Variants in PTPRK observed in about 807,000 individuals in gnomAD.
The protein encoded by PTPRK is receptor-type tyrosine-protein phosphatase kappa.
A neutral mutation model predicts 178.0 loss-of-function variants in PTPRK; 75 were observed. The ratio of observed to expected loss-of-function variants is 0.42; its 90% CI spans 0.35 to 0.51. The LOEUF (loss-of-function observed/expected upper bound fraction) is 0.51. Among genes scored for constraint, PTPRK ranks in the 20% least tolerant of loss-of-function variants. The probability of loss-of-function intolerance (pLI) is 0.02; values close to 1 mark genes in which losing one functional copy is unlikely to be tolerated. For missense variants in PTPRK, 1,441 were observed against 1,797.8 expected, an observed-to-expected ratio of 0.80 and a Z score of 3.59; for synonymous variants, 637 against 620.6, an observed-to-expected ratio of 1.03 and a Z score of -0.39.
At chr6:128,295,975 C>T (rs1030491303) in intron 3 of PTPRK, among the ~76,000 whole-genome samples, 1 of 152,064 alleles carries the variant, frequency 6.6e-6, no homozygotes. Context: ...ACATAAAAAA[C>T]GATTAACATC....
intron 3 of PTPRK, among the ~76,000 whole-genome samples, chr6:128,264,061 C>T (rs534019622): frequency 6.6e-6 from 1 of 152,176 alleles, no homozygotes; most frequent in Admixed American, 6.6e-5. Context: ...AAAGCCATAC[C>T]CATCAGTGGA....
intron 2 of PTPRK, among the ~76,000 whole-genome samples, chr6:128,374,964 C>T (rs1487609762): frequency 6.6e-6 from 1 of 151,938 alleles, no homozygotes; most frequent in Non-Finnish European, 1.5e-5. Flanking sequence ...TTGCTGATCC[C>T]TATGCCTGGA....
At chr6:128,447,729 A>G (rs1019235683) in intron 1 of PTPRK, among the ~76,000 whole-genome samples, 1 of 151,698 alleles carries the variant, frequency 6.6e-6, no homozygotes, top group East Asian at 1.9e-4. Flanking sequence ...GGTTCAAGCA[A>G]TTCTCCTGCC....
intron 7 of PTPRK, among the ~76,000 whole-genome samples, chr6:128,119,824 T>C (rs1196570932): frequency 1.3e-5 from 2 of 152,062 alleles, no homozygotes. Flanking sequence ...CCGATGGACA[T>C]ATTTTAAAAA....
At chr6:128,027,237 T>C (rs544080713) in intron 13 of PTPRK, among the ~76,000 whole-genome samples, 1 of 152,338 alleles carries the variant, frequency 6.6e-6, no homozygotes, top group Admixed American at 6.5e-5. Context: ...CAGCAATTCC[T>C]TTAAAAGCAG....
chr6:128,413,593 C>T (rs1842536385), intron 1 of PTPRK, among the ~76,000 whole-genome samples: 2 of 152,102 alleles, frequency 1.3e-5, no homozygotes, highest in African/African-American at 4.8e-5. Flanking sequence ...TTTGAAATCA[C>T]TGGACTATTC....
At chr6:128,070,001 A>G (rs1416779212) in intron 11 of PTPRK, among the ~76,000 whole-genome samples, 1 of 152,130 alleles carries the variant, frequency 6.6e-6, no homozygotes, top group Non-Finnish European at 1.5e-5. Flanking sequence ...TTAAAATGAA[A>G]GATAAATTAT....
chr6:128,035,154 G>T (rs1306001901), intron 13 of PTPRK, among the ~76,000 whole-genome samples: 1 of 152,136 alleles, frequency 6.6e-6, no homozygotes, highest in Non-Finnish European at 1.5e-5. Flanking sequence ...ATCACTTGAG[G>T]TCAGGAGTTC....
At chr6:128,387,635 CTCTT>C (rs1838934566) in intron 2 of PTPRK, among the ~76,000 whole-genome samples, 1 of 152,122 alleles carries the variant, frequency 6.6e-6, no homozygotes, top group African/African-American at 2.4e-5. Flanking sequence ...TAACACTTGA[CTCTT>C]TCTTCGTTTT....
intron 5 of PTPRK, among the ~76,000 whole-genome samples, chr6:128,226,791 TA>T (rs1811402117): frequency 1.4e-5 from 2 of 140,434 alleles, no homozygotes; most frequent in Non-Finnish European, 3.0e-5. Flanking sequence ...TATATATATA[TA>T]TATATATTTC....
At chr6:128,197,842 G>T (rs896018077) in intron 6 of PTPRK, among the ~76,000 whole-genome samples, 1 of 152,064 alleles carries the variant, frequency 6.6e-6, no homozygotes, top group Non-Finnish European at 1.5e-5. Flanking sequence ...GATAGCACTC[G>T]CATTGAGAGG....
chr6:128,135,084 A>T (rs1049636045), intron 7 of PTPRK, among the ~76,000 whole-genome samples: 1 of 150,410 alleles, frequency 6.6e-6, no homozygotes, highest in Non-Finnish European at 1.5e-5. Flanking sequence ...TCAATCACAC[A>T]CACACACACA....
At chr6:128,022,429 G>A (rs1204351478) in intron 13 of PTPRK, among the ~76,000 whole-genome samples, 3 of 152,126 alleles carry the variant, frequency 2.0e-5, no homozygotes, top group Non-Finnish European at 4.4e-5. Context: ...TTAAGCAAGT[G>A]ACTTCATTTT....
chr6:128,105,212 C>T (rs1789505032), intron 7 of PTPRK, among the ~76,000 whole-genome samples: 1 of 151,900 alleles, frequency 6.6e-6, no homozygotes, highest in Non-Finnish European at 1.5e-5. Context: ...CGGCTCACCG[C>T]AAGCTCCGCC....
intron 1 of PTPRK, among the ~76,000 whole-genome samples, chr6:128,400,019 A>G (rs891418260): frequency 1.3e-5 from 2 of 152,204 alleles, no homozygotes; most frequent in Non-Finnish European, 2.9e-5. Flanking sequence ...AACTTTTACA[A>G]ATTTTTTTGT....
At chr6:128,419,336 G>A (rs1254231802) in intron 1 of PTPRK, among the ~76,000 whole-genome samples, 4 of 152,206 alleles carry the variant, frequency 2.6e-5, no homozygotes, top group Non-Finnish European at 4.4e-5. Flanking sequence ...AATGCGGCCG[G>A]GCGCGGTGGC....
intron 25 of PTPRK, among the ~76,000 whole-genome samples, chr6:127,978,409 T>C (rs565914545): frequency 2.0e-5 from 3 of 152,260 alleles, no homozygotes; most frequent in Non-Finnish European, 4.4e-5. Context: ...CCCCTTTGCT[T>C]GGCACTCCTT....
chr6:128,024,980 A>G (rs1582567825), intron 13 of PTPRK, among the ~76,000 whole-genome samples: 1 of 152,230 alleles, frequency 6.6e-6, no homozygotes, highest in Non-Finnish European at 1.5e-5. Context: ...GTAAATTGTA[A>G]TATTTACCTT....
intron 1 of PTPRK, among the ~76,000 whole-genome samples, chr6:128,459,693 T>A (rs1193735137): frequency 6.6e-6 from 1 of 152,194 alleles, no homozygotes; most frequent in Non-Finnish European, 1.5e-5. Context: ...ATGGTACTTA[T>A]CTATCAGAAT....
Sources: allele counts gnomAD v4.1 joint callset (sites outside exome capture counted in the v4.1 genomes callset), GRCh38; gene constraint gnomAD v4.1.1; transcripts MANE v1.5; gene names NCBI Gene and HGNC (gene_info 2026-07-23, HGNC 2026-07-21).